The following UTP20 variants were observed in gnomAD, a reference collection of about 807,000 sequenced individuals.
UTP20 encodes small subunit processome component 20 homolog.
A neutral mutation model predicts 329.5 loss-of-function variants in UTP20; 164 were observed. That is an observed-to-expected ratio of 0.50 (90% CI 0.44 to 0.57). The LOEUF is 0.57. UTP20 is among the 20% of genes least tolerant of loss of function. The pLI, the probability that UTP20 is intolerant of heterozygous loss-of-function variation, is 0.00. For missense variants in UTP20, 3,055 were observed against 3,284.2 expected (o/e 0.93, Z 1.71); for synonymous variants, 1,151 against 1,159.3 (o/e 0.99, Z 0.14).
chr12:101,312,281 GT>G lies in UTP20; in HGVS notation c.2552+8del. 4.3e-6 allele frequency: 7 copies of G among 1,613,620 alleles called. No homozygotes were observed. The highest frequency in any genetic ancestry group is 5.9e-6 in the Non-Finnish European group (7 of 1,179,912). ...GCTTTTCTTGAGATTTATCAAGTAAGTTTCCTCTTCTAAGAATATGTCCCTG... is the reference window on the plus strand; with the variant it reads ...GCTTTTCTTGAGATTTATCAAGTAAGTTCCTCTTCTAAGAATATGTCCCTG... On this transcript the variant is annotated splice_donor_region_variant and intron_variant, in intron 21 of 61. Coordinates refer to ENST00000261637, the MANE Select transcript of UTP20 (RefSeq NM_014503.3).
In UTP20 at chr12:101,285,554, G is replaced by A. The variant is rs1460101619; in HGVS notation, c.127-16G>A. 4 of 1,611,572 alleles carry A rather than the reference G, an allele frequency of 2.5e-6. No homozygotes were observed. The highest frequency in any genetic ancestry group is 3.4e-6 in the Non-Finnish European group (4 of 1,178,152). ...CTTAGAGTTATTTGATTAATGGACT[G>A]CTTTAATCTTGACAGGAGGTTGAAA... On this transcript the variant is annotated splice_polypyrimidine_tract_variant and intron_variant, in intron 2 of 61. Coordinates refer to ENST00000261637, the MANE Select transcript of UTP20 (RefSeq NM_014503.3).
chr12:101,291,748 C>T lies in UTP20; in HGVS notation c.898C>T (p.Leu300Phe). 1 of 1,571,064 alleles carries T rather than the reference C, an allele frequency of 6.4e-7. No homozygotes were observed. Among genetic ancestry groups the T allele is most frequent in the African/African-American group, 1.4e-5 (1 of 70,428 alleles). The change falls in exon 9 of 62, where the codon CTC becomes TTC. Residue 300 changes from leucine to phenylalanine, a missense_variant. Transcript: ENST00000261637. Reference sequence around the variant, plus strand: ...TTAAATTCTTTGTTTGCAGGAATCGCTCTTGGATCTACACACAAAAGTAAC... The same window carrying T: ...TTAAATTCTTTGTTTGCAGGAATCGTTCTTGGATCTACACACAAAAGTAAC... ...GTFFECLQESLLDLHTKVTKT... is the reference protein window; with the variant it reads ...GTFFECLQESFLDLHTKVTKT...
At chr12:101,302,005 C>T (rs1019081260) in intron 14 of UTP20, among the ~76,000 whole-genome samples, 1 of 152,174 alleles carries the variant, frequency 6.6e-6, no homozygotes, top group Non-Finnish European at 1.5e-5. Flanking sequence ...TGGCTTACTG[C>T]ATGCAGCCTT....
intron 15 of UTP20, among the ~76,000 whole-genome samples, chr12:101,305,159 C>G (rs778142675): frequency 3.9e-5 from 6 of 151,910 alleles, no homozygotes; most frequent in Non-Finnish European, 7.4e-5. Flanking sequence ...AGGGTTTTCT[C>G]CAGAACCTGG....
In UTP20 at chr12:101,288,952, A is replaced by C; in HGVS notation, c.516-8A>C. Reference sequence around the variant, plus strand: ...TAATGAAATGTATCTTATTTTTTTCATGTATAGCATGTACAGCACACTCCT... The same window carrying C: ...TAATGAAATGTATCTTATTTTTTTCCTGTATAGCATGTACAGCACACTCCT... On this transcript the variant is annotated splice_region_variant and splice_polypyrimidine_tract_variant and intron_variant, in intron 5 of 61. Coordinates refer to ENST00000261637, the MANE Select transcript of UTP20 (RefSeq NM_014503.3). 6.2e-7 allele frequency: 1 copy of C among 1,604,880 alleles called. No homozygotes were observed. The highest frequency in any genetic ancestry group is 8.5e-7 in the Non-Finnish European group (1 of 1,176,180).
intron 12 of UTP20, 31 bp from the exon 13 acceptor site, chr12:101,299,651 G>C (rs770015552): frequency 6.5e-7 from 1 of 1,539,082 alleles, no homozygotes; most frequent in East Asian, 2.3e-5. Context: ...TACATTCTCT[G>C]TTATTTTAAA....
chr12:101,385,271 G>C (rs1052336060), intron 60 of UTP20, among the ~76,000 whole-genome samples: 5 of 152,114 alleles, frequency 3.3e-5, no homozygotes, highest in African/African-American at 1.2e-4. Context: ...TTCAGGGCCA[G>C]GTTTCCGCTG....
rs993157920 is a variant in UTP20 at position 101,281,599 on chromosome 12, T to C, written c.126+403T>C. ...TAAAGTGATTTTGAGGAAGCCCTTT[T>C]CCCGGGGCTTAATTTTCTCCTTTAT... On this transcript the variant is annotated intron_variant, in intron 2 of 61. Transcript: ENST00000261637. 3.9e-5 allele frequency among the ~76,000 whole-genome samples: 6 copies of C among 152,158 alleles called. No homozygotes were observed. In the East Asian group the frequency reaches 1.2e-3, roughly 29 times the overall value.
At chr12:101,308,419 C>T (rs1358914706) in intron 18 of UTP20, 76 bp downstream of exon 18, 14 of 881,952 alleles carry the variant, frequency 1.6e-5, no homozygotes, top group Non-Finnish European at 2.1e-5. Context: ...ATCAAGTAGT[C>T]ACCAAAATAA....
intron 25 of UTP20, among the ~76,000 whole-genome samples, chr12:101,325,737 G>T (rs968517348): frequency 2.6e-5 from 4 of 152,136 alleles, no homozygotes; most frequent in Non-Finnish European, 5.9e-5. Context: ...CTTTTCACAG[G>T]CATTTTCTTG....
At position 101,354,804 on chromosome 12, in the gene UTP20, G is replaced by A. The variant is rs747385351; in HGVS notation, c.5108-28G>A. 1.9e-6 allele frequency: 3 copies of A among 1,597,042 alleles called. No homozygotes were observed. The Admixed American group carries it at 5.2e-5, about 28-fold the overall frequency. ...TGTGTGGTTTCATTATTTGCTTTAA[G>A]GTGACTTTTGTTGTTTATTAAACAT... On this transcript the variant is annotated intron_variant, in intron 40 of 61. Transcript: ENST00000261637.
At position 101,368,976 on chromosome 12, in the gene UTP20, C is replaced by A. The variant is rs1055300309; in HGVS notation, c.6385-745C>A. ...ATTAGATGGAGCTGAACTAGCTGATCCCGGTGCTTTCAAAGGTTTGGCCTT... is the reference window on the plus strand; with the variant it reads ...ATTAGATGGAGCTGAACTAGCTGATACCGGTGCTTTCAAAGGTTTGGCCTT... On this transcript the variant is annotated intron_variant, in intron 48 of 61. Transcript: ENST00000261637. Among the ~76,000 whole-genome samples, 12 of 152,292 alleles carry A rather than the reference C, an allele frequency of 7.9e-5. No individual in the cohort carries two copies. In the East Asian group the frequency reaches 2.1e-3, roughly 27 times the overall value.
chr12:101,319,442 G>T, intron 22 of UTP20, 103 bp from the exon 23 acceptor site: 2 of 723,412 alleles, frequency 2.8e-6, no homozygotes, highest in Non-Finnish European at 4.4e-6. Context: ...AACTATAGGC[G>T]GGGTGTTTGA....
At chr12:101,308,054 G>A (rs1276534034) in intron 17 of UTP20, 131 bp from the exon 18 acceptor site, 1 of 765,954 alleles carries the variant, frequency 1.3e-6, no homozygotes, top group African/African-American at 1.8e-5. Flanking sequence ...AAAAAAAAGT[G>A]TTACTTATTT....
At chr12:101,283,840 C>T (rs1026259689) in intron 2 of UTP20, among the ~76,000 whole-genome samples, 3 of 152,062 alleles carry the variant, frequency 2.0e-5, no homozygotes, top group South Asian at 2.1e-4. Context: ...GAGCCATTGT[C>T]CCCAGCCTAA....
intron 55 of UTP20, 125 bp from the exon 56 acceptor site, chr12:101,375,498 TG>T: frequency 1.1e-6 from 1 of 889,732 alleles, no homozygotes; most frequent in Non-Finnish European, 1.7e-6. Context: ...AAGGATCATC[TG>T]GCCCACAATG....
At chr12:101,345,078 C>T (rs985412140) in intron 36 of UTP20, among the ~76,000 whole-genome samples, 3 of 150,616 alleles carry the variant, frequency 2.0e-5, no homozygotes, top group Non-Finnish European at 1.5e-5. Context: ...CCAGAGTAGC[C>T]GGGATTACAG....
chr12:101,302,249 G>A (rs1872539794), intron 14 of UTP20, among the ~76,000 whole-genome samples, 199 bp from the exon 15 acceptor site: 1 of 152,112 alleles, frequency 6.6e-6, no homozygotes, highest in Non-Finnish European at 1.5e-5. Context: ...TCTTAAGAAA[G>A]GTAAAATATA....
intron 43 of UTP20, among the ~76,000 whole-genome samples, chr12:101,361,647 A>G (rs1159787682): frequency 3.3e-5 from 4 of 122,254 alleles, no homozygotes; most frequent in Non-Finnish European, 7.4e-5. Context: ...AAATAAATAA[A>G]TAAATAAATA....
Sources: allele counts gnomAD v4.1 joint callset (sites outside exome capture counted in the v4.1 genomes callset), GRCh38; gene constraint gnomAD v4.1.1; transcripts MANE v1.5; gene names NCBI Gene and HGNC (gene_info 2026-07-23, HGNC 2026-07-21).